Variants in GLIS3 observed in about 807,000 individuals in gnomAD.
GLIS3 encodes the protein GLIS family zinc finger 3.
GLIS3 carries 53 observed loss-of-function variants against 78.6 expected under a neutral mutation model. The observed-to-expected ratio is 0.67, with a 90% confidence interval of 0.54 to 0.85. The LOEUF is 0.85. Ranked by LOEUF, GLIS3 falls within the 40% of genes least tolerant of loss-of-function variation. GLIS3 has a pLI of 0.00. For missense variants in GLIS3, 1,703 were observed against 1,231.1 expected (o/e 1.38, Z -5.74); for synonymous variants, 684 against 509.9 (o/e 1.34, Z -4.60).
chr9:4,293,761 A>G (rs1161364463), intron 1 of GLIS3, among the ~76,000 whole-genome samples: 1 of 152,202 alleles, frequency 6.6e-6, no homozygotes, highest in East Asian at 1.9e-4. Context: ...ATCATGGAGC[A>G]TAGGACAGGA....
At chr9:4,162,842 G>A (rs1369471750) in intron 2 of GLIS3, among the ~76,000 whole-genome samples, 6 of 109,066 alleles carry the variant, frequency 5.5e-5, no homozygotes, top group African/African-American at 2.3e-4. Flanking sequence ...GGGCGACAGA[G>A]TCTCGCTCTG....
chr9:4,163,980 T>G (rs1367596581), intron 2 of GLIS3, among the ~76,000 whole-genome samples: 1 of 152,240 alleles, frequency 6.6e-6, no homozygotes, highest in Non-Finnish European at 1.5e-5. Flanking sequence ...GTACAGTGAT[T>G]TCCTGGTCCT....
upstream of GLIS3, among the ~76,000 whole-genome samples, chr9:4,300,121 AG>A (rs1237320572): frequency 6.3e-5 from 2 of 31,720 alleles, no homozygotes; most frequent in Non-Finnish European, 1.3e-4. Context: ...TGAGCGCCGG[AG>A]GGGGAGGGGG....
chr9:4,186,672 C>G (rs1462081490), intron 2 of GLIS3, among the ~76,000 whole-genome samples: 18 of 151,586 alleles, frequency 1.2e-4, no homozygotes, highest in Non-Finnish European at 2.4e-4. Context: ...TGTTTCCTGA[C>G]TTTTTAATGA....
Position 4,249,281 on chromosome 9 carries a change from G to C in GLIS3, c.388+36757C>G, listed in dbSNP as rs146932614. Among the ~76,000 whole-genome samples, 965 of 152,182 alleles carry C rather than the reference G, an allele frequency of 6.3e-3. 9 individuals are homozygous for C. Among genetic ancestry groups the C allele is most frequent in the African/African-American group, 0.022 (916 of 41,512 alleles). On this transcript the variant is annotated intron_variant, in intron 2 of 10. Coordinates refer to ENST00000381971, the MANE Select transcript of GLIS3 (RefSeq NM_001042413.2). The stretch of plus-strand genomic sequence containing the variant: ...ATGGAATGTCCTTCCCTTTGTTTGT[G>C]TCCTCTCTTATTTCTTTGAGCAGTG...
the GLIS3 span, among the ~76,000 whole-genome samples, chr9:4,438,075 T>C: frequency 6.6e-6 from 1 of 152,192 alleles, no homozygotes. Flanking sequence ...AATGGTCAGC[T>C]GTAGTTGAGA....
At position 4,233,140 on chromosome 9, in the gene GLIS3, G is replaced by C. The variant is rs538970280; in HGVS notation, c.388+52898C>G. 3.7e-4 allele frequency among the ~76,000 whole-genome samples: 57 copies of C among 152,302 alleles called. 1 individual carries two copies. The highest frequency in any genetic ancestry group is 6.5e-5 in the Admixed American group (1 of 15,300). On this transcript the variant is annotated intron_variant, in intron 2 of 10. Transcript: ENST00000381971. ...ATCTTTGACATCTTTTCCAAAGAGA[G>C]AGTGTTCCCAGGCTGTCTTTGATCT...
chr9:4,286,838 G>T (rs1587314447), intron 1 of GLIS3, among the ~76,000 whole-genome samples: 1 of 152,134 alleles, frequency 6.6e-6, no homozygotes, highest in East Asian at 1.9e-4. Context: ...GTTCCCTAGA[G>T]GATCTGTCCA....
At chr9:4,037,600 G>C (rs981358137) in intron 4 of GLIS3, among the ~76,000 whole-genome samples, 4 of 134,884 alleles carry the variant, frequency 3.0e-5, no homozygotes, top group African/African-American at 1.2e-4. Flanking sequence ...AATAAATCCT[G>C]GGGGAACTTT....
chr9:3,901,896 A>G (rs1018437755), intron 6 of GLIS3, among the ~76,000 whole-genome samples: 12 of 152,234 alleles, frequency 7.9e-5, no homozygotes, highest in African/African-American at 2.4e-4. Flanking sequence ...AAGGCTTGGA[A>G]TGAGTTCTGG....
intron 6 of GLIS3, among the ~76,000 whole-genome samples, chr9:3,923,016 A>C (rs942577595): frequency 2.0e-5 from 3 of 152,158 alleles, no homozygotes; most frequent in Non-Finnish European, 4.4e-5. Context: ...TTCCAAGATA[A>C]TTAGCCAAGT....
At chr9:4,125,584 C>A (rs1832509074) in intron 3 of GLIS3, 150 bp downstream of exon 3, 2 of 711,508 alleles carry the variant, frequency 2.8e-6, no homozygotes, top group African/African-American at 3.5e-5. Flanking sequence ...TAGACATATT[C>A]CCCTACAAAC....
the GLIS3 span, among the ~76,000 whole-genome samples, chr9:4,395,369 T>C: frequency 6.6e-6 from 1 of 152,212 alleles, no homozygotes; most frequent in Admixed American, 6.5e-5. Context: ...TTCTCCCTTC[T>C]CATTTATTAC....
chr9:3,936,476 G>A (rs777624862), intron 5 of GLIS3, among the ~76,000 whole-genome samples: 2 of 152,082 alleles, frequency 1.3e-5, no homozygotes, highest in Non-Finnish European at 2.9e-5. Flanking sequence ...GTGAACTCTT[G>A]GGAAAGATTT....
intron 6 of GLIS3, among the ~76,000 whole-genome samples, chr9:3,906,422 T>C (rs186512620): frequency 6.6e-6 from 1 of 152,324 alleles, no homozygotes; most frequent in East Asian, 1.9e-4. Flanking sequence ...TCGAGCTGAA[T>C]TCACTGTGTA....
intron 4 of GLIS3, among the ~76,000 whole-genome samples, chr9:3,941,246 A>G (rs1031501538): frequency 6.6e-6 from 1 of 152,200 alleles, no homozygotes; most frequent in Non-Finnish European, 1.5e-5. Context: ...TGGACTAGCA[A>G]CCATCCTAGG....
chr9:4,435,273 T>A, the GLIS3 span, among the ~76,000 whole-genome samples: 18 of 152,302 alleles, frequency 1.2e-4, no homozygotes, highest in Non-Finnish European at 2.5e-4. Context: ...AGAATTATAA[T>A]GGATTGTAAA....
intron 4 of GLIS3, among the ~76,000 whole-genome samples, chr9:4,104,617 C>A (rs1830618339): frequency 6.6e-6 from 1 of 152,142 alleles, no homozygotes; most frequent in South Asian, 2.1e-4. Flanking sequence ...AGGTCCTAAA[C>A]AATCTAGCCC....
chr9:3,835,848 T>C (rs1031854441), intron 9 of GLIS3, among the ~76,000 whole-genome samples: 9 of 152,236 alleles, frequency 5.9e-5, no homozygotes, highest in Non-Finnish European at 1.3e-4. Context: ...TAAGCACTTA[T>C]TCAAGTGTTG....
Sources: gnomAD v4.1 joint callset for allele counts (sites outside exome capture counted in the v4.1 genomes callset) on GRCh38, gnomAD v4.1.1 for gene constraint, MANE v1.5 for transcripts, NCBI Gene and HGNC (gene_info 2026-07-23, HGNC 2026-07-21) for gene names.